NUMB: variants seen among roughly 807,000 people sequenced by gnomAD.
The protein encoded by NUMB is protein numb homolog.
NUMB carries 29 observed loss-of-function variants against 59.7 expected under a neutral mutation model. That is an observed-to-expected ratio of 0.49 (90% CI 0.36 to 0.66). The LOEUF is 0.66. Among genes scored for constraint, NUMB ranks in the 30% least tolerant of loss-of-function variants. The pLI is 0.00. For missense variants in NUMB, 723 were observed against 822.0 expected (o/e 0.88, Z 1.47); for synonymous variants, 288 against 288.2 (o/e 1.00, Z 0.01).
intron 2 of NUMB, among the ~76,000 whole-genome samples, chr14:73,404,996 T>C (rs765632258): frequency 1.3e-5 from 2 of 152,118 alleles, no homozygotes; most frequent in African/African-American, 2.4e-5. Flanking sequence ...CCTGACCTTG[T>C]GACCTGCCCG....
In NUMB at chr14:73,373,972, G is replaced by A. The variant is rs912893482; in HGVS notation, c.-100-6991C>T. On this transcript the variant is annotated intron_variant, in intron 2 of 12. Coordinates refer to ENST00000555238, the MANE Select transcript of NUMB (RefSeq NM_001005743.2). ...CAACTTCCACCTCCCGGGTTCAAGCGATTCTCCAGCCTCAGCTTCCCTAGT... is the reference window on the plus strand; with the variant it reads ...CAACTTCCACCTCCCGGGTTCAAGCAATTCTCCAGCCTCAGCTTCCCTAGT... 6.6e-5 allele frequency among the ~76,000 whole-genome samples: 10 copies of A among 152,008 alleles called. No individual in the cohort carries two copies. In the East Asian group the frequency reaches 1.5e-3, roughly 24 times the overall value.
At chr14:73,353,183 C>G (rs902690397) in intron 4 of NUMB, among the ~76,000 whole-genome samples, 1 of 144,194 alleles carries the variant, frequency 6.9e-6, no homozygotes, top group Non-Finnish European at 1.5e-5. Flanking sequence ...CTCCCAGGTT[C>G]AAGCAATTCT....
At chr14:73,413,146 G>C (rs1276686855) in intron 1 of NUMB, among the ~76,000 whole-genome samples, 1 of 151,404 alleles carries the variant, frequency 6.6e-6, no homozygotes, top group Non-Finnish European at 1.5e-5. Context: ...GTGCAGTGGC[G>C]TGATCTCGGC....
chr14:73,409,837 T>G (rs1003788843), intron 2 of NUMB, 100 bp downstream of exon 2: 2 of 152,252 alleles, frequency 1.3e-5, no homozygotes, highest in Non-Finnish European at 2.9e-5. Context: ...AGGGTTATAT[T>G]TGTAAAGGCA....
intron 1 of NUMB, among the ~76,000 whole-genome samples, chr14:73,412,998 T>C (rs1016851785): frequency 6.6e-6 from 1 of 152,086 alleles, no homozygotes. Flanking sequence ...GTAGTGGGTA[T>C]GGGGTTTTTA....
At chr14:73,286,002 TA>T (rs1022202240) in intron 9 of NUMB, among the ~76,000 whole-genome samples, 1 of 150,854 alleles carries the variant, frequency 6.6e-6, no homozygotes, top group Non-Finnish European at 1.5e-5. Flanking sequence ...AAGGTTATAG[TA>T]AAAAAAATTA....
At chr14:73,300,165 T>G (rs936908312) in intron 6 of NUMB, among the ~76,000 whole-genome samples, 1 of 151,976 alleles carries the variant, frequency 6.6e-6, no homozygotes, top group African/African-American at 2.4e-5. Context: ...GAAAAGCCAG[T>G]GGAACAATGG....
At chr14:73,282,290 A>G in intron 11 of NUMB, 69 bp downstream of exon 11, 1 of 1,514,354 alleles carries the variant, frequency 6.6e-7, no homozygotes, top group South Asian at 1.2e-5. Flanking sequence ...GCCAACTTAC[A>G]GTTAGTGAGC....
At chr14:73,302,047 C>T (rs1441966414) in intron 6 of NUMB, among the ~76,000 whole-genome samples, 1 of 151,962 alleles carries the variant, frequency 6.6e-6, no homozygotes, top group Non-Finnish European at 1.5e-5. Flanking sequence ...CACGCCACTG[C>T]ACTCCTGCCT....
At chr14:73,301,174 T>A (rs1890108681) in intron 6 of NUMB, among the ~76,000 whole-genome samples, 1 of 152,226 alleles carries the variant, frequency 6.6e-6, no homozygotes, top group South Asian at 2.1e-4. Flanking sequence ...ATATCTGTTG[T>A]AGGAAACAGG....
chr14:73,353,610 G>GCCAAGGCGGGTACATCAC (rs1462469440), intron 4 of NUMB, among the ~76,000 whole-genome samples: 1,579 of 145,968 alleles, frequency 0.011, 2 homozygotes, highest in Middle Eastern at 0.018. Context: ...TACTCGGGAG[G>GCCAAGGCGGGTACATCAC]CTGAGGCAGG....
At position 73,287,179 on chromosome 14, in the gene NUMB, G is replaced by A. The variant is rs748636568; in HGVS notation, c.586C>T (p.Arg196Cys). 6 of 1,613,738 alleles carry A rather than the reference G, an allele frequency of 3.7e-6. No homozygotes were observed. Among genetic ancestry groups the A allele is most frequent in the East Asian group, 2.2e-5 (1 of 44,844 alleles). The part of the protein sequence containing the change: ...RTTFTREGSF[R>C]VTTATEQAER... ...GCTTGTTCAGTGGCTGTTGTGACAC[G>A]GAATGATCCTTCTCTTGTAAAAGTG... is the stretch of plus-strand genomic sequence containing the variant. Residue 196 changes from arginine (R) to cysteine (C), a missense_variant, in exon 9 of 13, where the codon CGT (arginine) becomes TGT (cysteine). Coordinates refer to ENST00000555238, the MANE Select transcript of NUMB (RefSeq NM_001005743.2).
At chr14:73,353,361 ACAGGTGTCAGC>A (rs962295763) in intron 4 of NUMB, among the ~76,000 whole-genome samples, 38 of 150,732 alleles carry the variant, frequency 2.5e-4, no homozygotes, top group African/African-American at 8.8e-4. Flanking sequence ...TGCTGGGATT[ACAGGTGTCAGC>A]CACTGTGCCT....
At chr14:73,438,944 AAAAACCATTAGC>A (rs1486326573) in intron 1 of NUMB, among the ~76,000 whole-genome samples, 2 of 152,194 alleles carry the variant, frequency 1.3e-5, no homozygotes, top group Admixed American at 6.5e-5. Context: ...CATTAAAGGA[AAAAACCATTAGC>A]ATTATTTCAG....
Position 73,454,074 on chromosome 14 carries a change from G to GA in NUMB, c.-233+4418dup, listed in dbSNP as rs1025305757. On this transcript the variant is annotated intron_variant, in intron 1 of 12. Coordinates refer to ENST00000555238, the MANE Select transcript of NUMB (RefSeq NM_001005743.2). ...GGAGGGAAAAAGTTGGGCGGGGGGG[G>GA]AACGGTTGAAGAACTATTGGGTACT... Among the ~76,000 whole-genome samples the GA allele has an allele frequency of 5.3e-5, 8 of 152,076 alleles. No individual in the cohort carries two copies. The South Asian group carries it at 1.2e-3, about 24-fold the overall frequency.
At chr14:73,412,096 T>A (rs905965632) in intron 1 of NUMB, among the ~76,000 whole-genome samples, 62 of 151,762 alleles carry the variant, frequency 4.1e-4, no homozygotes, top group African/African-American at 1.5e-3. Context: ...ACCTAATTTT[T>A]AAAAAATTTT....
chr14:73,399,993 C>T (rs1282557605), intron 2 of NUMB, among the ~76,000 whole-genome samples: 6 of 149,730 alleles, frequency 4.0e-5, no homozygotes, highest in African/African-American at 1.2e-4. Context: ...GAGCTGAGAT[C>T]GTGCCACTGC....
At chr14:73,450,299 C>T (rs181164723) in intron 1 of NUMB, among the ~76,000 whole-genome samples, 347 of 152,224 alleles carry the variant, frequency 2.3e-3, no homozygotes, top group Non-Finnish European at 3.1e-3. Flanking sequence ...AGTAAATTAA[C>T]GATAAAGTCA....
In NUMB at chr14:73,310,102, A is replaced by G. The variant is rs142948296; in HGVS notation, c.234+6288T>C. On this transcript the variant is annotated intron_variant, in intron 6 of 12. Coordinates refer to ENST00000555238, the MANE Select transcript of NUMB (RefSeq NM_001005743.2). ...TTATACAGTCAGAAGTGGTTGCTACAAAGAAAAATAAATCAAAGTGACATA... is the reference window on the plus strand; with the variant it reads ...TTATACAGTCAGAAGTGGTTGCTACGAAGAAAAATAAATCAAAGTGACATA... Among the ~76,000 whole-genome samples the G allele has an allele frequency of 6.8e-3, 1,035 of 152,322 alleles. 4 individuals carry two copies. Among genetic ancestry groups the G allele is most frequent in the South Asian group, 0.03 (144 of 4,830 alleles).
Sources: allele counts gnomAD v4.1 joint callset (sites outside exome capture counted in the v4.1 genomes callset), GRCh38; gene constraint gnomAD v4.1.1; transcripts MANE v1.5; gene names NCBI Gene and HGNC (gene_info 2026-07-23, HGNC 2026-07-21).